The following THAP11 variants were observed in gnomAD, a reference collection of about 807,000 sequenced individuals.
THAP11 encodes THAP domain-containing protein 11.
THAP11 carries 8 observed loss-of-function variants against 24.1 expected under a neutral mutation model. The ratio of observed to expected loss-of-function variants is 0.33; its 90% confidence interval spans 0.20 to 0.60. The LOEUF (loss-of-function observed/expected upper bound fraction) is 0.60, where lower values mean the gene tolerates loss of function less well. Ranked by LOEUF, THAP11 falls within the 20% of genes least tolerant of loss-of-function variation. THAP11 has a pLI of 0.82. For missense variants in THAP11, 276 were observed against 418.4 expected (o/e 0.66, Z 2.97); for synonymous variants, 222 against 180.2 (o/e 1.23, Z -1.86).
rs139987005 is a variant in THAP11, at chr16:67,843,077, C to G, written c.523C>G (p.Pro175Ala). 1,135 of 1,611,480 alleles carry G rather than the reference C, an allele frequency of 7.0e-4. 3 individuals are homozygous for G. The highest frequency in any genetic ancestry group is 8.3e-4 in the Middle Eastern group (5 of 6,060). Reference protein sequence around the residue: ...DSSQAPGSVQPAPITPTGEDV... With the variant: ...DSSQAPGSVQAAPITPTGEDV... ...CAGTCAGGCTCCGGGATCCGTACAG[C>G]CGGCGCCCATCACTCCCACTGGAGA... Residue 175 changes from proline (P) to alanine (A), a missense_variant, in exon 1 of 1, where the codon CCG (proline) becomes GCG (alanine). Physicochemically the swap from Pro to Ala is conservative, Grantham distance 27. Transcript: ENST00000303596. This position sits in a 1 kb window ranked among gnomAD's most constrained non-coding sequence, Gnocchi z 5.7.
rs752283836 is a variant in THAP11, at chr16:67,842,923, G to GCAA, written c.371_372insACA (p.Gln132dup). ...AGCAACAGCAGCAGCAGCAGCAACA[G>GCAA]CAGCAGCAGCAGCAGCAGCAGCAGC... On this transcript the variant is annotated inframe_insertion, in exon 1 of 1. Transcript: ENST00000303596. The surrounding 1 kb of genome is among the most constrained non-coding windows in gnomAD (Gnocchi z 4.9). 174 of 705,396 alleles carry GCAA rather than the reference G, an allele frequency of 2.5e-4. No individual in the cohort carries two copies. The African/African-American group carries it at 3.8e-3, about 15-fold the overall frequency. 43.7% of individuals were successfully genotyped at this position (705,396 alleles called of 1,614,324 possible).
Position 67,842,970 on chromosome 16 carries a change from C to T in THAP11, c.416C>T (p.Thr139Ile), listed in dbSNP as rs1567374564. Reference sequence around the variant, plus strand: ...CAGCAGTCCTCACCCTCTGCCTCCACTGCCCAGACTGCCCAGCTGCAGCCG... The same window carrying T: ...CAGCAGTCCTCACCCTCTGCCTCCATTGCCCAGACTGCCCAGCTGCAGCCG... Reference protein sequence around the residue: ...QQQQSSPSASTAQTAQLQPNL... With the variant: ...QQQQSSPSASIAQTAQLQPNL... Residue 139 changes from threonine to isoleucine, a missense_variant, in exon 1 of 1, where the codon ACT becomes ATT. Thr to Ile is a moderately conservative substitution (Grantham distance 89). Coordinates refer to ENST00000303596, the MANE Select transcript of THAP11 (RefSeq NM_020457.3). This position sits in a 1 kb window ranked among gnomAD's most constrained non-coding sequence, Gnocchi z 4.9. 3 of 1,608,462 alleles carry T rather than the reference C, an allele frequency of 1.9e-6. No homozygotes were observed. The highest frequency in any genetic ancestry group is 2.5e-6 in the Non-Finnish European group (3 of 1,177,962).
Position 67,842,496 on chromosome 16 carries a change from A to G in THAP11, c.-59A>G, listed in dbSNP as rs2057768749. The G allele has an allele frequency of 1.5e-6, 2 of 1,363,792 alleles. No individual in the cohort carries two copies. Among genetic ancestry groups the G allele is most frequent in the South Asian group, 1.6e-5 (1 of 62,268 alleles). The allele number at this position is 1,363,792 out of a possible 1,614,324, so 84.5% of individuals were successfully genotyped here. A position where few individuals can be genotyped will look rare whatever the true frequency, so the allele number is the denominator to read the frequency against. ...TCGAGGGGCGGGCGGCGGCGTAGCC[A>G]CTGGGCCGTCGAAGAGCGCAGGAGG... On this transcript the variant is annotated 5_prime_UTR_variant, in exon 1 of 1. Transcript: ENST00000303596. The surrounding 1 kb of genome is among the most constrained non-coding windows in gnomAD (Gnocchi z 4.9).
In THAP11 at chr16:67,842,921, C is replaced by A; in HGVS notation, c.367C>A (p.Gln123Lys). 1 of 747,584 alleles carries A rather than the reference C, an allele frequency of 1.3e-6. No homozygotes were observed. Among genetic ancestry groups the A allele is most frequent in the Non-Finnish European group, 1.7e-6 (1 of 597,006 alleles). 46.3% of individuals were successfully genotyped at this position (747,584 alleles called of 1,614,324 possible). A position where few individuals can be genotyped will look rare whatever the true frequency, so the allele number is the denominator to read the frequency against. ...GCAGCAACAGCAGCAGCAGCAGCAA[C>A]AGCAGCAGCAGCAGCAGCAGCAGCA... ...QQQQQQQQQQ[Q>K]QQQQQQQQQS... The change falls in exon 1 of 1, where the codon CAG becomes AAG. Residue 123 changes from glutamine (Q) to lysine (K), a missense_variant. Gln to Lys is a moderately conservative substitution (Grantham distance 53). This residue lies in a region of THAP11 where 210 missense variants were observed against 203.4 expected (regional missense o/e 1.03). Coordinates refer to ENST00000303596, the MANE Select transcript of THAP11 (RefSeq NM_020457.3). The surrounding 1 kb of genome is among the most constrained non-coding windows in gnomAD (Gnocchi z 4.9).
rs1329060120 is a variant in THAP11, at chr16:67,842,406, G to GGCGGGCCGGCTGCGCCGA, written c.-144_-127dup. 238 of 436,152 alleles carry GGCGGGCCGGCTGCGCCGA rather than the reference G, an allele frequency of 5.5e-4. No homozygotes were observed. Among genetic ancestry groups the GGCGGGCCGGCTGCGCCGA allele is most frequent in the African/African-American group, 4.8e-3 (229 of 47,606 alleles). 27.0% of individuals were successfully genotyped at this position (436,152 alleles called of 1,614,324 possible). A position where few individuals can be genotyped will look rare whatever the true frequency, so the allele number is the denominator to read the frequency against. On this transcript the variant is annotated 5_prime_UTR_variant, in exon 1 of 1. Coordinates refer to ENST00000303596, the MANE Select transcript of THAP11 (RefSeq NM_020457.3). This position sits in a 1 kb window ranked among gnomAD's most constrained non-coding sequence, Gnocchi z 4.9. ...AGCGTATTCTGGGCACGGGGCGCCG[G>GGCGGGCCGGCTGCGCCGA]GCGGGCCGGCTGCGCCGAGCGGCAG...
rs2057774424 is a variant in THAP11, at chr16:67,842,923, G to GCAGCAGCAGCAGCAGCAGCAA, written c.389_390insACAGCAGCAGCAGCAGCAGCA (p.Gln126_Gln132dup). On this transcript the variant is annotated inframe_insertion, in exon 1 of 1. Coordinates refer to ENST00000303596, the MANE Select transcript of THAP11 (RefSeq NM_020457.3). The surrounding 1 kb of genome is among the most constrained non-coding windows in gnomAD (Gnocchi z 4.9). ...AGCAACAGCAGCAGCAGCAGCAACAGCAGCAGCAGCAGCAGCAGCAGCAGC... is the reference window on the plus strand; with the variant it reads ...AGCAACAGCAGCAGCAGCAGCAACAGCAGCAGCAGCAGCAGCAGCAACAGCAGCAGCAGCAGCAGCAGCAGC... 79 of 705,478 alleles carry GCAGCAGCAGCAGCAGCAGCAA rather than the reference G, an allele frequency of 1.1e-4. No individual in the cohort carries two copies. The highest frequency in any genetic ancestry group is 1.4e-4 in the Non-Finnish European group (77 of 563,184). The allele number at this position is 705,478 out of a possible 1,614,324, so 43.7% of individuals were successfully genotyped here.
Position 67,842,890 on chromosome 16 carries a change from GCAA to G in THAP11, c.339_341del (p.Gln132del), listed in dbSNP as rs773155507. 7.6e-6 allele frequency: 12 copies of G among 1,586,072 alleles called. No individual in the cohort carries two copies. The African/African-American group carries it at 1.0e-4, about 14-fold the overall frequency. On this transcript the variant is annotated inframe_deletion, in exon 1 of 1. Coordinates refer to ENST00000303596, the MANE Select transcript of THAP11 (RefSeq NM_020457.3). The surrounding 1 kb of genome is among the most constrained non-coding windows in gnomAD (Gnocchi z 4.9). Reference sequence around the variant, plus strand: ...AGCAGCAGCAACAGCAGCAGCAGCAGCAACAGCAGCAACAGCAGCAGCAGCAGC... The same window carrying G: ...AGCAGCAGCAACAGCAGCAGCAGCAGCAGCAGCAACAGCAGCAGCAGCAGC...
At position 67,843,092 on chromosome 16, in the gene THAP11, C is replaced by T. The variant is rs1416738827; in HGVS notation, c.538C>T (p.Pro180Ser). ...PGSVQPAPIT[P>S]TGEDVKPIDL... ...ATCCGTACAGCCGGCGCCCATCACT[C>T]CCACTGGAGAAGACGTGAAGCCCAT... The change falls in exon 1 of 1, where the codon CCC becomes TCC. Residue 180 changes from proline to serine, a missense_variant. By Grantham distance (74) the Pro-to-Ser change is moderately conservative. Coordinates refer to ENST00000303596, the MANE Select transcript of THAP11 (RefSeq NM_020457.3). This position sits in a 1 kb window ranked among gnomAD's most constrained non-coding sequence, Gnocchi z 5.7. 2 of 1,611,248 alleles carry T rather than the reference C, an allele frequency of 1.2e-6. No individual in the cohort carries two copies. The highest frequency in any genetic ancestry group is 2.7e-5 in the African/African-American group (2 of 75,050).
Position 67,843,622 on chromosome 16 carries a change from A to AGAGTCCAGCTGC in THAP11, c.*123_*124insGAGTCCAGCTGC. On this transcript the variant is annotated 3_prime_UTR_variant, in exon 1 of 1. Coordinates refer to ENST00000303596, the MANE Select transcript of THAP11 (RefSeq NM_020457.3). This position sits in a 1 kb window ranked among gnomAD's most constrained non-coding sequence, Gnocchi z 5.7. Reference sequence around the variant, plus strand: ...CAGTACTGAGGCTTAAGGCAGCTGGACTCTCTTGCTGGTGACCTGGCATCC... The same window carrying AGAGTCCAGCTGC: ...CAGTACTGAGGCTTAAGGCAGCTGGAGAGTCCAGCTGCCTCTCTTGCTGGTGACCTGGCATCC... 2 of 1,005,944 alleles carry AGAGTCCAGCTGC rather than the reference A, an allele frequency of 2.0e-6. No homozygotes were observed. Among genetic ancestry groups the AGAGTCCAGCTGC allele is most frequent in the Non-Finnish European group, 2.9e-6 (2 of 697,776 alleles). The allele number at this position is 1,005,944 out of a possible 1,614,324, so 62.3% of individuals were successfully genotyped here. A position where few individuals can be genotyped will look rare whatever the true frequency, so the allele number is the denominator to read the frequency against.
In THAP11 at chr16:67,843,142, TGCAGCCGCAGAGGGC is replaced by T. The variant is rs750317616; in HGVS notation, c.597_611del (p.Glu200_Ala204del). ...TCGATCTCACAGTGCAAGTGGAGTTTGCAGCCGCAGAGGGCGCAGCCGCTGCGGCCGCCGCGTCGG... is the reference window on the plus strand; with the variant it reads ...TCGATCTCACAGTGCAAGTGGAGTTTGCAGCCGCTGCGGCCGCCGCGTCGG... On this transcript the variant is annotated inframe_deletion, in exon 1 of 1. Coordinates refer to ENST00000303596, the MANE Select transcript of THAP11 (RefSeq NM_020457.3). This position sits in a 1 kb window ranked among gnomAD's most constrained non-coding sequence, Gnocchi z 5.7. 20 of 1,609,724 alleles carry T rather than the reference TGCAGCCGCAGAGGGC, an allele frequency of 1.2e-5. No homozygotes were observed. The highest frequency in any genetic ancestry group is 1.2e-4 in the Admixed American group (7 of 59,950).
In THAP11 at chr16:67,842,406, G is replaced by A. The variant is rs1001019773; in HGVS notation, c.-149G>A. 6 of 436,046 alleles carry A rather than the reference G, an allele frequency of 1.4e-5. No homozygotes were observed. Among genetic ancestry groups the A allele is most frequent in the Middle Eastern group, 7.7e-4 (1 of 1,304 alleles). 27.0% of individuals were successfully genotyped at this position (436,046 alleles called of 1,614,324 possible). The stretch of plus-strand genomic sequence containing the variant: ...AGCGTATTCTGGGCACGGGGCGCCG[G>A]GCGGGCCGGCTGCGCCGAGCGGCAG... On this transcript the variant is annotated 5_prime_UTR_variant, in exon 1 of 1. Coordinates refer to ENST00000303596, the MANE Select transcript of THAP11 (RefSeq NM_020457.3). The surrounding 1 kb of genome is among the most constrained non-coding windows in gnomAD (Gnocchi z 4.9).
Position 67,843,228 on chromosome 16 carries a change from T to C in THAP11, c.674T>C (p.Met225Thr), listed in dbSNP as rs750096076. The part of the protein sequence containing the change: ...TAGLEAAECP[M>T]GPQLVVVGEE... ...GGGCTGGAGGCTGCCGAGTGCCCTA[T>C]GGGCCCCCAGTTGGTGGTGGTAGGG... is the stretch of plus-strand genomic sequence containing the variant. The change falls in exon 1 of 1, where the codon ATG becomes ACG. Residue 225 changes from methionine to threonine, a missense_variant. Transcript: ENST00000303596. This position sits in a 1 kb window ranked among gnomAD's most constrained non-coding sequence, Gnocchi z 5.7. 6.2e-7 allele frequency: 1 copy of C among 1,612,038 alleles called. No homozygotes were observed. Among genetic ancestry groups the C allele is most frequent in the South Asian group, 1.1e-5 (1 of 91,072 alleles).
Position 67,842,527 on chromosome 16 carries a change from G to C in THAP11, c.-28G>C. 1 of 1,477,726 alleles carries C rather than the reference G, an allele frequency of 6.8e-7. No individual in the cohort carries two copies. The highest frequency in any genetic ancestry group is 9.0e-7 in the Non-Finnish European group (1 of 1,112,888). The allele number at this position is 1,477,726 out of a possible 1,614,324, so 91.5% of individuals were successfully genotyped here. On this transcript the variant is annotated 5_prime_UTR_variant, in exon 1 of 1. Coordinates refer to ENST00000303596, the MANE Select transcript of THAP11 (RefSeq NM_020457.3). The surrounding 1 kb of genome is among the most constrained non-coding windows in gnomAD (Gnocchi z 4.9). Reference sequence around the variant, plus strand: ...CCGTCGAAGAGCGCAGGAGGCCGGTGGGCCGGGCCGGGCCGCGCGGCGCAG... The same window carrying C: ...CCGTCGAAGAGCGCAGGAGGCCGGTCGGCCGGGCCGGGCCGCGCGGCGCAG...
rs754326743 is a variant in THAP11, at chr16:67,842,862, GGCAGCA to G, written c.315_320del (p.Gln131_Gln132del). The G allele has an allele frequency of 1.7e-5, 28 of 1,608,040 alleles. No homozygotes were observed. The African/African-American group carries it at 2.9e-4, about 17-fold the overall frequency. ...GCTGGGGCCGCGGCCGCCCGCCGCA[GGCAGCA>G]GCAGCAACAGCAGCAGCAGCAGCAA... On this transcript the variant is annotated inframe_deletion, in exon 1 of 1. Transcript: ENST00000303596. The surrounding 1 kb of genome is among the most constrained non-coding windows in gnomAD (Gnocchi z 4.9).
rs1440689209 is a variant in THAP11 at position 67,842,427 on chromosome 16, G to C, written c.-128G>C. The C allele has an allele frequency of 3.4e-6, 2 of 592,422 alleles. No individual in the cohort carries two copies. Among genetic ancestry groups the C allele is most frequent in the Non-Finnish European group, 4.7e-6 (2 of 422,962 alleles). 36.7% of individuals were successfully genotyped at this position (592,422 alleles called of 1,614,324 possible). On this transcript the variant is annotated 5_prime_UTR_variant, in exon 1 of 1. Coordinates refer to ENST00000303596, the MANE Select transcript of THAP11 (RefSeq NM_020457.3). This position sits in a 1 kb window ranked among gnomAD's most constrained non-coding sequence, Gnocchi z 4.9. Reference sequence around the variant, plus strand: ...GCCGGGCGGGCCGGCTGCGCCGAGCGGCAGTGGTGGGATACCACCCAAGGC... The same window carrying C: ...GCCGGGCGGGCCGGCTGCGCCGAGCCGCAGTGGTGGGATACCACCCAAGGC...
rs563400461 is a variant in THAP11 at position 67,843,779 on chromosome 16, A to G, written c.*280A>G. On this transcript the variant is annotated 3_prime_UTR_variant, in exon 1 of 1. Coordinates refer to ENST00000303596, the MANE Select transcript of THAP11 (RefSeq NM_020457.3). The surrounding 1 kb of genome is among the most constrained non-coding windows in gnomAD (Gnocchi z 5.7). ...CTGGTTAAGCAGAGGCTTCAGAACC[A>G]CTGAACTTGAAACTTACCCTCTAGG... The G allele has an allele frequency of 1.2e-4, 51 of 415,218 alleles. No individual in the cohort carries two copies. In the South Asian group the frequency reaches 1.9e-3, roughly 15 times the overall value. The allele number at this position is 415,218 out of a possible 1,614,324, so 25.7% of individuals were successfully genotyped here. A position where few individuals can be genotyped will look rare whatever the true frequency, so the allele number is the denominator to read the frequency against.
At position 67,843,306 on chromosome 16, in the gene THAP11, G is replaced by A; in HGVS notation, c.752G>A (p.Gly251Asp). The part of the protein sequence containing the change: ...GSDHSYSLSS[G>D]TTEEELLRKL... ...GACCATTCGTACTCCTTGTCGTCAG[G>A]CACCACGGAGGAGGAGCTCCTGCGC... Residue 251 changes from glycine (G) to aspartate (D), a missense_variant, in exon 1 of 1, where the codon GGC becomes GAC. This residue lies in a region of THAP11 where 38 missense variants were observed against 95.9 expected (regional missense o/e 0.40). Coordinates refer to ENST00000303596, the MANE Select transcript of THAP11 (RefSeq NM_020457.3). The surrounding 1 kb of genome is among the most constrained non-coding windows in gnomAD (Gnocchi z 5.7). 1 of 1,613,838 alleles carries A rather than the reference G, an allele frequency of 6.2e-7. No individual in the cohort carries two copies. The highest frequency in any genetic ancestry group is 8.5e-7 in the Non-Finnish European group (1 of 1,180,024).
Position 67,842,902 on chromosome 16 carries a change from A to AGCAG in THAP11, c.348_349insGCAG (p.Gln117AlafsTer124). On this transcript the variant is annotated frameshift_variant, in exon 1 of 1. Transcript: ENST00000303596. LOFTEE classifies it high-confidence loss of function. The surrounding 1 kb of genome is among the most constrained non-coding windows in gnomAD (Gnocchi z 4.9). ...AGCAGCAGCAGCAGCAACAGCAGCAACAGCAGCAGCAGCAGCAACAGCAGC... is the reference window on the plus strand; with the variant it reads ...AGCAGCAGCAGCAGCAACAGCAGCAAGCAGCAGCAGCAGCAGCAGCAACAGCAGC... 6.3e-7 allele frequency: 1 copy of AGCAG among 1,583,140 alleles called. No homozygotes were observed. The highest frequency in any genetic ancestry group is 2.3e-5 in the East Asian group (1 of 44,058).
Position 67,842,560 on chromosome 16 carries a change from T to C in THAP11, c.6T>C (p.Pro2=), listed in dbSNP as rs746904719. 1.3e-6 allele frequency: 2 copies of C among 1,527,698 alleles called. No homozygotes were observed. The highest frequency in any genetic ancestry group is 2.4e-5 in the South Asian group (2 of 81,910). 94.6% of individuals were successfully genotyped at this position (1,527,698 alleles called of 1,614,324 possible). M[P]GFTCCVPGCY... ...CCGGGCCGCGCGGCGCAGCCATGCCTGGCTTTACGTGCTGCGTGCCAGGCT... is the reference window on the plus strand; with the variant it reads ...CCGGGCCGCGCGGCGCAGCCATGCCCGGCTTTACGTGCTGCGTGCCAGGCT... Residue 2 remains proline, a synonymous_variant, in exon 1 of 1, where the codon CCT becomes CCC. Coordinates refer to ENST00000303596, the MANE Select transcript of THAP11 (RefSeq NM_020457.3). This position sits in a 1 kb window ranked among gnomAD's most constrained non-coding sequence, Gnocchi z 4.9.
Sources: allele counts gnomAD v4.1 joint callset, GRCh38; gene constraint gnomAD v4.1.1; regional missense constraint gnomAD v4.1.1; non-coding constraint Gnocchi (gnomAD v3.1); transcripts MANE v1.5; gene names NCBI Gene and HGNC (gene_info 2026-07-23, HGNC 2026-07-21).